The following BMPR1B variants were observed in gnomAD, a reference collection of about 807,000 sequenced individuals.
The protein encoded by BMPR1B is bone morphogenetic protein receptor type-1B.
BMPR1B carries 12 observed loss-of-function variants against 59.1 expected under a neutral mutation model. The observed-to-expected ratio is 0.20, with a 90% CI of 0.13 to 0.33. The LOEUF (loss-of-function observed/expected upper bound fraction) is 0.33, where lower values mean the gene tolerates loss of function less well. Among genes scored for constraint, BMPR1B ranks in the 10% least tolerant of loss-of-function variants. The pLI is 1.00. For synonymous variants in BMPR1B, 237 were observed against 207.3 expected, an observed-to-expected ratio of 1.14 and a Z score of -1.23; for missense variants, 550 against 610.9, an observed-to-expected ratio of 0.90 and a Z score of 1.05.
intron 2 of BMPR1B, among the ~76,000 whole-genome samples, chr4:94,885,308 T>C (rs1295262640): frequency 1.3e-5 from 2 of 152,194 alleles, no homozygotes; most frequent in Admixed American, 6.5e-5. Flanking sequence ...ACTGAGAAGA[T>C]GACTAAGTAA....
rs977520239 is a variant in BMPR1B at position 95,107,735 on chromosome 4, C to T, written c.143+3168C>T. On this transcript the variant is annotated intron_variant, in intron 4 of 12. Transcript: ENST00000515059. ...GATGATATGATAGAAAAATTGTGGCCGGGACTCCAAAGTCCTGAATTCTTG... is the reference window on the plus strand; with the variant it reads ...GATGATATGATAGAAAAATTGTGGCTGGGACTCCAAAGTCCTGAATTCTTG... Among the ~76,000 whole-genome samples, 8 of 152,056 alleles carry T rather than the reference C, an allele frequency of 5.3e-5. No homozygotes were observed. The East Asian group carries it at 7.7e-4, about 15-fold the overall frequency.
intron 2 of BMPR1B, among the ~76,000 whole-genome samples, chr4:94,964,897 C>G (rs1335460630): frequency 6.6e-6 from 1 of 152,122 alleles, no homozygotes; most frequent in Non-Finnish European, 1.5e-5. Context: ...TATTCCAACC[C>G]TTGGTCTTCA....
chr4:95,132,727 A>G (rs968715351), intron 10 of BMPR1B, among the ~76,000 whole-genome samples: 4 of 150,824 alleles, frequency 2.7e-5, no homozygotes, highest in Non-Finnish European at 2.9e-5. Context: ...ACCCTGTTAA[A>G]TTTCTCCCAA....
At chr4:95,023,734 G>T (rs1724154942) in intron 3 of BMPR1B, among the ~76,000 whole-genome samples, 1 of 151,948 alleles carries the variant, frequency 6.6e-6, no homozygotes, top group African/African-American at 2.4e-5. Flanking sequence ...ACAGATTTTT[G>T]GGTTCCCCAG....
In BMPR1B at chr4:95,152,682, T is replaced by A; in HGVS notation, c.1292T>A (p.Val431Glu). The change falls in exon 12 of 13, where the codon GTG (valine) becomes GAG (glutamate). Residue 431 changes from valine (V) to glutamate (E), a missense_variant. Coordinates refer to ENST00000515059, the MANE Select transcript of BMPR1B (RefSeq NM_001203.3). ...EEYQLPYHDL[V>E]PSDPSYEDMR... Reference sequence around the variant, plus strand: ...TACCAGCTTCCTTATCATGACCTAGTGCCCAGTGACCCCTCTTATGAGGAC... The same window carrying A: ...TACCAGCTTCCTTATCATGACCTAGAGCCCAGTGACCCCTCTTATGAGGAC... 1 of 1,585,306 alleles carries A rather than the reference T, an allele frequency of 6.3e-7. No homozygotes were observed. The highest frequency in any genetic ancestry group is 8.6e-7 in the Non-Finnish European group (1 of 1,164,946).
At chr4:95,061,072 C>T (rs890040859) in intron 3 of BMPR1B, among the ~76,000 whole-genome samples, 1 of 150,408 alleles carries the variant, frequency 6.6e-6, no homozygotes, top group Non-Finnish European at 1.5e-5. Flanking sequence ...TACTTTTTAC[C>T]CTATCTTGCT....
At chr4:94,878,560 AT>A (rs966785552) in intron 2 of BMPR1B, among the ~76,000 whole-genome samples, 1 of 151,822 alleles carries the variant, frequency 6.6e-6, no homozygotes, top group African/African-American at 2.4e-5. Flanking sequence ...GCGTCTCCTA[AT>A]TTTTTTTCTG....
intron 2 of BMPR1B, among the ~76,000 whole-genome samples, chr4:94,900,429 A>G (rs1297083484): frequency 2.0e-5 from 3 of 152,058 alleles, no homozygotes; most frequent in African/African-American, 4.8e-5. Context: ...TGTAAATGCA[A>G]AATTGTAAAG....
chr4:94,910,350 A>T (rs1728226232), intron 2 of BMPR1B, among the ~76,000 whole-genome samples: 1 of 152,074 alleles, frequency 6.6e-6, no homozygotes, highest in East Asian at 1.9e-4. Context: ...TCAGAATTAG[A>T]GGAAAAAATA....
At chr4:95,025,580 C>A (rs896567202) in intron 3 of BMPR1B, among the ~76,000 whole-genome samples, 1 of 152,138 alleles carries the variant, frequency 6.6e-6, no homozygotes, top group Non-Finnish European at 1.5e-5. Flanking sequence ...TGGCATTTTG[C>A]ACATGAATTG....
Position 95,148,899 on chromosome 4 carries a change from G to T in BMPR1B, c.1228G>T (p.Val410Phe), listed in dbSNP as rs746134819. 5.6e-6 allele frequency: 9 copies of T among 1,613,882 alleles called. No individual in the cohort carries two copies. In the East Asian group the frequency reaches 1.1e-4, roughly 20 times the overall value. Residue 410 changes from valine to phenylalanine, a missense_variant, in exon 11 of 13, where the codon GTT (valine) becomes TTT (phenylalanine). Physicochemically the swap from Val to Phe is conservative, Grantham distance 50. Transcript: ENST00000515059. ...MYSFGLILWE[V>F]ARRCVSGGIV... ...TAGTTTTGGCCTCATCCTTTGGGAG[G>T]TTGCTAGGAGATGTGTATCAGGAGG...
chr4:95,006,936 A>C (rs544081327), intron 3 of BMPR1B, among the ~76,000 whole-genome samples: 19 of 152,330 alleles, frequency 1.2e-4, no homozygotes, highest in African/African-American at 4.1e-4. Context: ...TAAAAGTTTG[A>C]GAAGTAGTGC....
chr4:95,092,997 T>C (rs917680004), intron 3 of BMPR1B, among the ~76,000 whole-genome samples: 2 of 152,268 alleles, frequency 1.3e-5, no homozygotes, highest in African/African-American at 4.8e-5. Context: ...TCTAGTTGAC[T>C]CTGACATTAT....
intron 4 of BMPR1B, among the ~76,000 whole-genome samples, chr4:95,113,798 A>G (rs553972590): frequency 1.2e-4 from 19 of 152,056 alleles, no homozygotes; most frequent in Non-Finnish European, 2.2e-4. Context: ...TTCAAGGCCC[A>G]GTTCCATAAC....
At chr4:95,032,441 G>A (rs1306219487) in intron 3 of BMPR1B, among the ~76,000 whole-genome samples, 5 of 152,124 alleles carry the variant, frequency 3.3e-5, no homozygotes, top group African/African-American at 7.2e-5. Context: ...AACACGGGAA[G>A]TAGGGAGGCT....
chr4:94,828,533 A>ATGTT (rs1724462813), intron 1 of BMPR1B, among the ~76,000 whole-genome samples: 1 of 152,234 alleles, frequency 6.6e-6, no homozygotes, highest in Non-Finnish European at 1.5e-5. Flanking sequence ...AGTATAAAAC[A>ATGTT]TATTAATTTA....
At chr4:95,015,761 C>T (rs888723714) in intron 3 of BMPR1B, among the ~76,000 whole-genome samples, 5 of 151,404 alleles carry the variant, frequency 3.3e-5, no homozygotes, top group African/African-American at 7.3e-5. Flanking sequence ...GGCACGGTCT[C>T]GGCTCACTGC....
intron 3 of BMPR1B, among the ~76,000 whole-genome samples, chr4:95,011,202 C>T (rs1215438279): frequency 6.6e-6 from 1 of 151,956 alleles, no homozygotes; most frequent in Non-Finnish European, 1.5e-5. Flanking sequence ...TAAGCCCAGT[C>T]CCCAATAGTT....
chr4:94,945,124 G>T (rs1236478601), intron 2 of BMPR1B, among the ~76,000 whole-genome samples: 1 of 152,148 alleles, frequency 6.6e-6, no homozygotes, highest in South Asian at 2.1e-4. Context: ...TAGCACATTG[G>T]CTAAGAAGGT....
Sources: allele counts gnomAD v4.1 joint callset (sites outside exome capture counted in the v4.1 genomes callset), GRCh38; gene constraint gnomAD v4.1.1; transcripts MANE v1.5; gene names NCBI Gene and HGNC (gene_info 2026-07-23, HGNC 2026-07-21).